The following TMEM154 variants were observed in gnomAD, a reference collection of about 807,000 sequenced individuals.
The protein encoded by TMEM154 is transmembrane protein 154.
In TMEM154, 27 loss-of-function variants were observed where a neutral mutation model predicts 24.5. That is an observed-to-expected ratio of 1.10 (90% CI 0.81 to 1.52). The LOEUF (loss-of-function observed/expected upper bound fraction) is 1.52, where lower values mean the gene tolerates loss of function less well. TMEM154 is among the 40% of genes most tolerant of loss of function. TMEM154 has a pLI of 0.00. For synonymous variants in TMEM154, 67 were observed against 76.8 expected (o/e 0.87, Z 0.67); for missense variants, 228 against 213.4 (o/e 1.07, Z -0.43).
intron 6 of TMEM154, among the ~76,000 whole-genome samples, chr4:152,635,585 G>C (rs1295917524): frequency 1.3e-5 from 2 of 152,122 alleles, no homozygotes; most frequent in Admixed American, 6.5e-5. Context: ...ACAAAGAGAA[G>C]GGATGAAACA....
At position 152,626,482 on chromosome 4, in the gene TMEM154, G is replaced by A. The variant is rs1751923743; in HGVS notation, c.*2064C>T. On this transcript the variant is annotated 3_prime_UTR_variant, in exon 7 of 7. Coordinates refer to ENST00000304385, the MANE Select transcript of TMEM154 (RefSeq NM_152680.3). ...TATACTAACTTCATATACCCTGACA[G>A]AATAAACTATCTTTTTAAAAAGTGC... 6.6e-6 allele frequency: 1 copy of A among 152,168 alleles called. No individual in the cohort carries two copies. Among genetic ancestry groups the A allele is most frequent in the South Asian group, 2.1e-4 (1 of 4,828 alleles). 9.4% of individuals were successfully genotyped at this position (152,168 alleles called of 1,614,324 possible).
At chr4:152,632,009 A>G (rs1752054137) in intron 6 of TMEM154, among the ~76,000 whole-genome samples, 1 of 151,326 alleles carries the variant, frequency 6.6e-6, no homozygotes, top group African/African-American at 2.4e-5. Flanking sequence ...GGGTTTCACC[A>G]TGTTAGCCAG....
intron 1 of TMEM154, among the ~76,000 whole-genome samples, chr4:152,677,972 TCGGGG>T (rs1211754346): frequency 6.6e-6 from 1 of 152,098 alleles, no homozygotes; most frequent in East Asian, 1.9e-4. Context: ...TTTAGGTCTA[TCGGGG>T]CACAGCAGCA....
At chr4:152,637,014 T>C (rs1752163275) in intron 6 of TMEM154, among the ~76,000 whole-genome samples, 1 of 152,184 alleles carries the variant, frequency 6.6e-6, no homozygotes, top group Non-Finnish European at 1.5e-5. Flanking sequence ...GTGATAATGG[T>C]GTGTCAATGT....
chr4:152,630,067 T>A (rs1752005636), intron 6 of TMEM154, among the ~76,000 whole-genome samples: 1 of 151,942 alleles, frequency 6.6e-6, no homozygotes, highest in Non-Finnish European at 1.5e-5. Context: ...TCATCCCAGC[T>A]CTTTGGGAGG....
At chr4:152,664,158 A>G (rs1277944670) in intron 1 of TMEM154, among the ~76,000 whole-genome samples, 1 of 152,248 alleles carries the variant, frequency 6.6e-6, no homozygotes, top group Non-Finnish European at 1.5e-5. Flanking sequence ...GATAAAGAAA[A>G]TGTGGTACAT....
chr4:152,628,582 A>G, intron 6 of TMEM154, 21 bp from the exon 7 acceptor site: 1 of 1,110,126 alleles, frequency 9.0e-7, no homozygotes, highest in Non-Finnish European at 1.2e-6. Context: ...AAAAAAAAAA[A>G]AAAAAAAAAA....
At chr4:152,649,707 T>C (rs1728335852) in intron 3 of TMEM154, among the ~76,000 whole-genome samples, 1 of 152,174 alleles carries the variant, frequency 6.6e-6, no homozygotes, top group Non-Finnish European at 1.5e-5. Context: ...CCTTTCTCTT[T>C]CCCCAGTGAT....
Position 152,618,814 on chromosome 4 carries a change from A to G in TMEM154, c.*9732T>C, listed in dbSNP as rs1304531444. On this transcript the variant is annotated 3_prime_UTR_variant, in exon 7 of 7. Coordinates refer to ENST00000304385, the MANE Select transcript of TMEM154 (RefSeq NM_152680.3). ...CTAAAAATACAATACAATACACACA[A>G]TAGGACAATATGAAATAAAGATAAA... The G allele has an allele frequency of 6.6e-6, 1 of 152,188 alleles. No homozygotes were observed. The highest frequency in any genetic ancestry group is 1.5e-5 in the Non-Finnish European group (1 of 68,032). The allele number at this position is 152,188 out of a possible 1,614,324, so 9.4% of individuals were successfully genotyped here.
chr4:152,666,062 C>T (rs1432452777), intron 1 of TMEM154, among the ~76,000 whole-genome samples: 2 of 152,054 alleles, frequency 1.3e-5, no homozygotes, highest in African/African-American at 4.8e-5. Flanking sequence ...GCCAGGATTA[C>T]AGGCATGAGC....
chr4:152,677,260 G>A (rs1345125276), intron 1 of TMEM154, among the ~76,000 whole-genome samples: 1 of 152,210 alleles, frequency 6.6e-6, no homozygotes, highest in Non-Finnish European at 1.5e-5. Context: ...TCTCTAAAAA[G>A]AGAAGAGGTC....
In TMEM154 at chr4:152,623,329, G is replaced by A. The variant is rs1051907140; in HGVS notation, c.*5217C>T. ...TTAACTTTAAATACAAGATACACATGTGTTAAATTATTACTAATCTACCAG... is the reference window on the plus strand; with the variant it reads ...TTAACTTTAAATACAAGATACACATATGTTAAATTATTACTAATCTACCAG... On this transcript the variant is annotated 3_prime_UTR_variant, in exon 7 of 7. Transcript: ENST00000304385. 5.3e-5 allele frequency: 8 copies of A among 151,474 alleles called. No homozygotes were observed. The highest frequency in any genetic ancestry group is 1.0e-4 in the Non-Finnish European group (7 of 67,930). The allele number at this position is 151,474 out of a possible 1,614,324, so 9.4% of individuals were successfully genotyped here. A position where few individuals can be genotyped will look rare whatever the true frequency, so the allele number is the denominator to read the frequency against.
intron 6 of TMEM154, among the ~76,000 whole-genome samples, chr4:152,633,857 C>A (rs1257803781): frequency 7.3e-5 from 11 of 151,472 alleles, no homozygotes; most frequent in Admixed American, 7.2e-4. Flanking sequence ...GTCAGTAGTC[C>A]CAGCTATTAA....
In TMEM154 at chr4:152,679,948, GC is replaced by G. The variant is rs750138742; in HGVS notation, c.-16del. On this transcript the variant is annotated 5_prime_UTR_variant, in exon 1 of 7. Coordinates refer to ENST00000304385, the MANE Select transcript of TMEM154 (RefSeq NM_152680.3). ...GGAGCCTGCATGTCCGCTCGCCTCG[GC>G]AGAGGCGCGCTCAGGATGCTGCGCC... 1 of 1,602,830 alleles carries G rather than the reference GC, an allele frequency of 6.2e-7. No individual in the cohort carries two copies. Among genetic ancestry groups the G allele is most frequent in the East Asian group, 2.2e-5 (1 of 44,472 alleles).
intron 4 of TMEM154, among the ~76,000 whole-genome samples, chr4:152,643,485 C>T (rs961858560): frequency 6.6e-6 from 1 of 152,236 alleles, no homozygotes; most frequent in South Asian, 2.1e-4. Flanking sequence ...GCAAGGCTCC[C>T]AGGGTGAGGC....
At chr4:152,647,792 G>A (rs1479089390) in intron 3 of TMEM154, among the ~76,000 whole-genome samples, 1 of 152,128 alleles carries the variant, frequency 6.6e-6, no homozygotes, top group East Asian at 1.9e-4. Context: ...TTTTCTAAGT[G>A]ATTTGCCTAT....
At chr4:152,672,030 G>A (rs1728850739) in intron 1 of TMEM154, among the ~76,000 whole-genome samples, 1 of 149,348 alleles carries the variant, frequency 6.7e-6, no homozygotes, top group South Asian at 2.1e-4. Flanking sequence ...CTAAGTGGGA[G>A]GACGGCTTGA....
rs191730504 is a variant in TMEM154, at chr4:152,649,194, A to G, written c.364+3344T>C. Among the ~76,000 whole-genome samples the G allele has an allele frequency of 2.6e-5, 4 of 152,302 alleles. No individual in the cohort carries two copies. In the East Asian group the frequency reaches 7.7e-4, roughly 29 times the overall value. ...GTGCCCTGTCATGGGTGTGAGGGACATAAAGTGAGTTTTGTATACATGTAT... is the reference window on the plus strand; with the variant it reads ...GTGCCCTGTCATGGGTGTGAGGGACGTAAAGTGAGTTTTGTATACATGTAT... On this transcript the variant is annotated intron_variant, in intron 3 of 6. Coordinates refer to ENST00000304385, the MANE Select transcript of TMEM154 (RefSeq NM_152680.3).
chr4:152,639,644 TGC>T (rs1752218711), intron 6 of TMEM154: 1 of 152,060 alleles, frequency 6.6e-6, no homozygotes, highest in Non-Finnish European at 1.5e-5. Context: ...GTCTTGCTCT[TGC>T]TTGTTGCCCA....
Sources: allele counts gnomAD v4.1 joint callset (sites outside exome capture counted in the v4.1 genomes callset), GRCh38; gene constraint gnomAD v4.1.1; transcripts MANE v1.5; gene names NCBI Gene and HGNC (gene_info 2026-07-23, HGNC 2026-07-21).